LRRC56: variants seen among roughly 807,000 people sequenced by gnomAD.
The protein encoded by LRRC56 is leucine-rich repeat-containing protein 56.
A neutral mutation model predicts 47.8 loss-of-function variants in LRRC56; 41 were observed. The ratio of observed to expected loss-of-function variants is 0.86; its 90% confidence interval spans 0.67 to 1.11. The LOEUF (loss-of-function observed/expected upper bound fraction) is 1.11. LRRC56 is among the 50% of genes most tolerant of loss of function. LRRC56 has a pLI of 0.00. For synonymous variants in LRRC56, 387 were observed against 311.2 expected (o/e 1.24, Z -2.56); for missense variants, 759 against 704.2 (o/e 1.08, Z -0.88).
At chr11:534,946 G>A (rs540400214), upstream of LRRC56, among the ~76,000 whole-genome samples, 2 of 152,376 alleles carry the variant, frequency 1.3e-5, no homozygotes, top group South Asian at 2.1e-4. Context: ...GGAGCTCCTG[G>A]GAAGCAGGGA....
At chr11:528,265 T>A in the LRRC56 span, among the ~76,000 whole-genome samples, 1 of 152,210 alleles carries the variant, frequency 6.6e-6, no homozygotes, top group Non-Finnish European at 1.5e-5. Context: ...AGGAGGCAGC[T>A]GGTGGCGAGT....
chr11:506,923 G>A, the LRRC56 span: 7 of 152,138 alleles, frequency 4.6e-5, no homozygotes, highest in Admixed American at 3.9e-4. Context: ...CAGCTGCCCA[G>A]CGCAACCTCG....
At chr11:544,972 TG>T (rs985407276) in intron 6 of LRRC56, among the ~76,000 whole-genome samples, 192 bp downstream of exon 6, 47 of 142,140 alleles carry the variant, frequency 3.3e-4, no homozygotes, top group African/African-American at 1.2e-3. Context: ...GATGGGCAGG[TG>T]GGGGGAGCCT....
At chr11:533,010 G>GA (rs1315818334), upstream of LRRC56, among the ~76,000 whole-genome samples, 516 of 152,310 alleles carry the variant, frequency 3.4e-3, 4 homozygotes, top group African/African-American at 0.012. Context: ...GTCTGGCCAG[G>GA]GTTTGACCAC....
At chr11:553,481 G>A (rs1416414596) in intron 13 of LRRC56, among the ~76,000 whole-genome samples, 1 of 152,088 alleles carries the variant, frequency 6.6e-6, no homozygotes, top group African/African-American at 2.4e-5. Flanking sequence ...ACCTGCAGGG[G>A]TGGAGGGAGG....
intron 4 of LRRC56, 82 bp downstream of exon 4, chr11:540,943 C>A: frequency 3.4e-6 from 4 of 1,190,508 alleles, no homozygotes; most frequent in Non-Finnish European, 4.6e-6. Flanking sequence ...GATGGTCCAG[C>A]CTGCCCTCTG....
rs764089296 is a variant in LRRC56, at chr11:550,249, C to T, written c.601C>T (p.Pro201Ser). 3 of 1,604,862 alleles carry T rather than the reference C, an allele frequency of 1.9e-6. No homozygotes were observed. Among genetic ancestry groups the T allele is most frequent in the Non-Finnish European group, 2.6e-6 (3 of 1,176,206 alleles). The part of the protein sequence containing the change: ...TLEGNLVCLQ[P>S]APGPTNKVPR... The stretch of plus-strand genomic sequence containing the variant: ...GGAGGGCAACCTGGTGTGCCTACAG[C>T]CGGCCCCTGGCCCCACCAACAAGGT... The change falls in exon 8 of 14, where the codon CCG (proline) becomes TCG (serine). Residue 201 changes from proline to serine, a missense_variant. Pro to Ser is a moderately conservative substitution (Grantham distance 74). Transcript: ENST00000270115.
chr11:509,165 C>T, the LRRC56 span, among the ~76,000 whole-genome samples: 1 of 152,142 alleles, frequency 6.6e-6, no homozygotes, highest in Non-Finnish European at 1.5e-5. Flanking sequence ...ATCCTGCACA[C>T]GTGAGCTTGG....
the LRRC56 span, among the ~76,000 whole-genome samples, chr11:521,295 A>G: frequency 6.6e-6 from 1 of 152,146 alleles, no homozygotes; most frequent in South Asian, 2.1e-4. Context: ...CTAGTCAGGC[A>G]TACTTCCGCT....
chr11:527,068 G>A, the LRRC56 span, among the ~76,000 whole-genome samples: 39 of 152,264 alleles, frequency 2.6e-4, no homozygotes, highest in Non-Finnish European at 4.9e-4. Context: ...TTGGGAGGCC[G>A]AGGCGGGCAG....
At chr11:524,421 C>T in the LRRC56 span, among the ~76,000 whole-genome samples, 2 of 150,728 alleles carry the variant, frequency 1.3e-5, no homozygotes, top group African/African-American at 4.9e-5. Context: ...CACCTGAGGT[C>T]GGGAGTTCAA....
At position 554,557 on chromosome 11, in the gene LRRC56, G is replaced by C; in HGVS notation, c.*281G>C. ...CAGGCTTTCCCGCGGGCACGGGGGT[G>C]GGGGGTGGTCACCCGAGCAGGCCTG... On this transcript the variant is annotated 3_prime_UTR_variant, in exon 14 of 14. Transcript: ENST00000270115. 1 of 414,220 alleles carries C rather than the reference G, an allele frequency of 2.4e-6. No homozygotes were observed. Among genetic ancestry groups the C allele is most frequent in the Non-Finnish European group, 4.3e-6 (1 of 234,014 alleles). 25.7% of individuals were successfully genotyped at this position (414,220 alleles called of 1,614,324 possible).
chr11:527,217 C>G, the LRRC56 span, among the ~76,000 whole-genome samples: 1 of 152,010 alleles, frequency 6.6e-6, no homozygotes, highest in Non-Finnish European at 1.5e-5. Context: ...AGGAGAATCA[C>G]TTGAACCCAG....
At chr11:534,116 T>G (rs1013660343), upstream of LRRC56, 2 of 1,198,526 alleles carry the variant, frequency 1.7e-6, no homozygotes, top group Admixed American at 1.8e-5. Context: ...CACAGCACCA[T>G]GCAGGGGACC....
At chr11:517,868 C>T in the LRRC56 span, among the ~76,000 whole-genome samples, 1 of 152,196 alleles carries the variant, frequency 6.6e-6, no homozygotes. Context: ...TATAACCTTA[C>T]CCCCAACCCC....
At chr11:527,688 C>T in the LRRC56 span, among the ~76,000 whole-genome samples, 5 of 149,606 alleles carry the variant, frequency 3.3e-5, no homozygotes, top group East Asian at 4.0e-4. Flanking sequence ...CCCGCCACCA[C>T]GCCCGGCTAA....
chr11:508,458 C>G, the LRRC56 span, among the ~76,000 whole-genome samples: 3 of 152,266 alleles, frequency 2.0e-5, no homozygotes, highest in African/African-American at 7.2e-5. Flanking sequence ...TACACCCGGC[C>G]TGATCATCTT....
chr11:528,192 G>A, the LRRC56 span, among the ~76,000 whole-genome samples: 16 of 152,342 alleles, frequency 1.1e-4, no homozygotes, highest in South Asian at 1.7e-3. Flanking sequence ...GAGTTTACGC[G>A]TGGCCTTGTG....
At chr11:520,540 A>G in the LRRC56 span, among the ~76,000 whole-genome samples, 1 of 151,912 alleles carries the variant, frequency 6.6e-6, no homozygotes, top group African/African-American at 2.4e-5. Flanking sequence ...GCTGGTCTCA[A>G]ACTCCTGGCC....
Sources: allele counts gnomAD v4.1 joint callset (sites outside exome capture counted in the v4.1 genomes callset), GRCh38; gene constraint gnomAD v4.1.1; transcripts MANE v1.5; gene names NCBI Gene and HGNC (gene_info 2026-07-23, HGNC 2026-07-21).